GPR89A: variants seen among roughly 807,000 people sequenced by gnomAD.
GPR89A encodes golgi pH regulator A.
Under a neutral mutation model 52.0 loss-of-function variants are expected in GPR89A, and 16 were observed. That is an observed-to-expected ratio of 0.31 (90% CI 0.21 to 0.47). The LOEUF (loss-of-function observed/expected upper bound fraction) is 0.47, where lower values mean the gene tolerates loss of function less well. GPR89A is among the 20% of genes least tolerant of loss of function. The pLI, the probability that GPR89A is intolerant of heterozygous loss-of-function variation, is 1.00. For missense variants in GPR89A, 135 were observed against 449.4 expected, an observed-to-expected ratio of 0.30 and a Z score of 6.33; for synonymous variants, 55 against 150.9, an observed-to-expected ratio of 0.36 and a Z score of 4.66.
At chr1:145,647,112 A>G in intron 9 of GPR89A, 63 bp from the exon 10 acceptor site, 1 of 1,531,100 alleles carries the variant, frequency 6.5e-7, no homozygotes, top group South Asian at 1.2e-5. Context: ...AGGGAAGAAT[A>G]CTTGTGTTGA....
chr1:145,610,210 G>T (rs1390619506), intron 1 of GPR89A, among the ~76,000 whole-genome samples: 2 of 151,718 alleles, frequency 1.3e-5, no homozygotes, highest in Admixed American at 1.3e-4. Context: ...TGCCCCCTGC[G>T]CCCCTCCCTG....
chr1:145,621,704 A>G (rs868921136), intron 3 of GPR89A, among the ~76,000 whole-genome samples: 33 of 152,144 alleles, frequency 2.2e-4, no homozygotes, highest in African/African-American at 7.9e-4. Flanking sequence ...ACTCGTATCT[A>G]GAATATATAA....
At chr1:145,667,051 T>A (rs1229160947) in intron 12 of GPR89A, among the ~76,000 whole-genome samples, 3 of 152,200 alleles carry the variant, frequency 2.0e-5, no homozygotes, top group Non-Finnish European at 4.4e-5. Flanking sequence ...AACATACGTG[T>A]GCATGTGTCT....
chr1:145,668,077 C>G (rs1159306665), intron 12 of GPR89A, among the ~76,000 whole-genome samples: 1 of 152,064 alleles, frequency 6.6e-6, no homozygotes, highest in Non-Finnish European at 1.5e-5. Context: ...TCCATATGAA[C>G]TTTAGAGTAG....
rs189457877 is a variant in GPR89A, at chr1:145,665,411, T to C, written c.1006-151T>C. On this transcript the variant is annotated intron_variant, in intron 11 of 13. Coordinates refer to ENST00000313835, the MANE Select transcript of GPR89A (RefSeq NM_001097612.2). Reference sequence around the variant, plus strand: ...TTCTGTAGTTGTTTTATTTGCCACCTACTTGCTTTCCTCTCTCCCTTAAGA... The same window carrying C: ...TTCTGTAGTTGTTTTATTTGCCACCCACTTGCTTTCCTCTCTCCCTTAAGA... 20 of 895,380 alleles carry C rather than the reference T, an allele frequency of 2.2e-5. No homozygotes were observed. The Admixed American group carries it at 3.9e-4, about 17-fold the overall frequency. The allele number at this position is 895,380 out of a possible 1,614,324, so 55.5% of individuals were successfully genotyped here.
intron 3 of GPR89A, among the ~76,000 whole-genome samples, chr1:145,620,758 G>A (rs1206541918): frequency 1.5e-4 from 23 of 151,890 alleles, no homozygotes; most frequent in Non-Finnish European, 3.1e-4. Flanking sequence ...ACTCACCTTT[G>A]AGCAGAGATC....
At chr1:145,611,127 G>T in intron 1 of GPR89A, among the ~76,000 whole-genome samples, 1 of 148,464 alleles carries the variant, frequency 6.7e-6, no homozygotes, top group East Asian at 2.0e-4. Context: ...CAGAATTTGT[G>T]TTTACTTGGA....
At chr1:145,665,470 C>T in intron 11 of GPR89A, 92 bp from the exon 12 acceptor site, 1 of 1,567,776 alleles carries the variant, frequency 6.4e-7, no homozygotes, top group Non-Finnish European at 8.8e-7. Flanking sequence ...AAAGCTCCCT[C>T]TCACAGTCAT....
intron 1 of GPR89A, among the ~76,000 whole-genome samples, chr1:145,611,102 C>T (rs1461150856): frequency 6.6e-6 from 1 of 151,196 alleles, no homozygotes; most frequent in African/African-American, 2.4e-5. Flanking sequence ...CTTTTTGGAT[C>T]CTCTATAATC....
rs1194607924 is a variant in GPR89A, at chr1:145,670,490, A to C, written c.*450A>C. 11 of 262,340 alleles carry C rather than the reference A, an allele frequency of 4.2e-5. No homozygotes were observed. The Admixed American group carries it at 4.6e-4, about 11-fold the overall frequency. 16.3% of individuals were successfully genotyped at this position (262,340 alleles called of 1,614,324 possible). A position where few individuals can be genotyped will look rare whatever the true frequency, so the allele number is the denominator to read the frequency against. On this transcript the variant is annotated 3_prime_UTR_variant, in exon 14 of 14. Coordinates refer to ENST00000313835, the MANE Select transcript of GPR89A (RefSeq NM_001097612.2). ...CTTTTGCCTTACGTTCATTTTATCA[A>C]GCATAGCTTGGTATTTATTATGCTT... is the stretch of plus-strand genomic sequence containing the variant.
chr1:145,620,936 C>A (rs1234132278), intron 3 of GPR89A, among the ~76,000 whole-genome samples: 1 of 152,186 alleles, frequency 6.6e-6, no homozygotes, highest in Non-Finnish European at 1.5e-5. Context: ...CCCACTGCTT[C>A]CCAAAATCTT....
chr1:145,649,630 A>C (rs1651311934), intron 10 of GPR89A, among the ~76,000 whole-genome samples: 1 of 152,136 alleles, frequency 6.6e-6, no homozygotes, highest in African/African-American at 2.4e-5. Context: ...AATTTTGTGT[A>C]TAGACGTGTG....
intron 7 of GPR89A, among the ~76,000 whole-genome samples, chr1:145,643,120 A>G (rs587696832): frequency 6.8e-6 from 1 of 146,754 alleles, no homozygotes; most frequent in Admixed American, 6.9e-5. Flanking sequence ...CAAACTCTGT[A>G]TTTGGTCCTT....
intron 5 of GPR89A, among the ~76,000 whole-genome samples, chr1:145,628,870 T>C: frequency 6.6e-6 from 1 of 152,228 alleles, no homozygotes; most frequent in East Asian, 1.9e-4. Context: ...AGGAAATAGA[T>C]GGGGGTTGGT....
chr1:145,643,010 G>C (rs1485343427), intron 7 of GPR89A, among the ~76,000 whole-genome samples: 2 of 149,990 alleles, frequency 1.3e-5, no homozygotes, highest in African/African-American at 2.5e-5. Flanking sequence ...ATTGGACTTA[G>C]AGACTGATAT....
intron 2 of GPR89A, 107 bp downstream of exon 2, chr1:145,616,400 A>C (rs1648705668): frequency 1.2e-6 from 1 of 825,678 alleles, no homozygotes; most frequent in Non-Finnish European, 2.0e-6. Flanking sequence ...GGAAGCTTTT[A>C]CCAAATAAGT....
chr1:145,653,557 C>T (rs1391543239), intron 10 of GPR89A, among the ~76,000 whole-genome samples: 4 of 141,954 alleles, frequency 2.8e-5, no homozygotes, highest in Non-Finnish European at 6.1e-5. Flanking sequence ...ATCTGTGTAA[C>T]ATTGACTGTG....
At chr1:145,619,545 G>A (rs1471729071) in intron 3 of GPR89A, among the ~76,000 whole-genome samples, 4 of 152,098 alleles carry the variant, frequency 2.6e-5, no homozygotes, top group Non-Finnish European at 1.5e-5. Context: ...CCAGGAGTTT[G>A]AGGATATGCA....
rs1649164199 is a variant in GPR89A, at chr1:145,621,908, C to CG, written c.207-1146_207-1145insG. ...TCACACCAACTAAAATGGCTATAAC[C>CG]AAAAAAAAAACAGAAAATAACAAGT... On this transcript the variant is annotated intron_variant, in intron 3 of 13. Coordinates refer to ENST00000313835, the MANE Select transcript of GPR89A (RefSeq NM_001097612.2). Among the ~76,000 whole-genome samples the CG allele has an allele frequency of 2.9e-5, 4 of 137,796 alleles. No individual in the cohort carries two copies. The South Asian group carries it at 7.1e-4, about 25-fold the overall frequency. 90.4% of individuals were successfully genotyped at this position (137,796 alleles called of 152,430 possible).
Sources: allele counts gnomAD v4.1 joint callset (sites outside exome capture counted in the v4.1 genomes callset), GRCh38; gene constraint gnomAD v4.1.1; transcripts MANE v1.5; gene names NCBI Gene and HGNC (gene_info 2026-07-23, HGNC 2026-07-21).